The following ELOVL5 variants were observed in gnomAD, a reference collection of about 807,000 sequenced individuals.
The protein encoded by ELOVL5 is ELOVL fatty acid elongase 5, also known as very long chain fatty acid elongase 5.
A neutral mutation model predicts 38.6 loss-of-function variants in ELOVL5; 8 were observed. The ratio of observed to expected loss-of-function variants is 0.21; its 90% CI spans 0.12 to 0.37. ELOVL5 has a LOEUF of 0.37. Among genes scored for constraint, ELOVL5 ranks in the 10% least tolerant of loss-of-function variants. The pLI, the probability that ELOVL5 is intolerant of heterozygous loss-of-function variation, is 1.00. For missense variants in ELOVL5, 280 were observed against 367.8 expected (o/e 0.76, Z 1.95); for synonymous variants, 127 against 133.7 (o/e 0.95, Z 0.34).
chr6:53,281,789 T>A (rs986742710), intron 3 of ELOVL5, among the ~76,000 whole-genome samples: 8 of 151,162 alleles, frequency 5.3e-5, no homozygotes, highest in African/African-American at 2.0e-4. Flanking sequence ...GGATGCCCAT[T>A]AAGATAATTT....
At position 53,269,027 on chromosome 6, in the gene ELOVL5, G is replaced by T; in HGVS notation, c.*100C>A. The T allele has an allele frequency of 7.2e-7, 1 of 1,394,152 alleles. No homozygotes were observed. The highest frequency in any genetic ancestry group is 9.9e-7 in the Non-Finnish European group (1 of 1,013,002). 86.4% of individuals were successfully genotyped at this position (1,394,152 alleles called of 1,614,324 possible). On this transcript the variant is annotated 3_prime_UTR_variant, in exon 8 of 8. Transcript: ENST00000304434. ...GTCCTACATGAATCACACTATTGTA[G>T]GCCAGACTAGTTACAGCAGCTGTTA...
intron 3 of ELOVL5, among the ~76,000 whole-genome samples, chr6:53,284,587 A>C (rs753185614): frequency 6.6e-5 from 10 of 152,210 alleles, no homozygotes; most frequent in Non-Finnish European, 1.2e-4. Context: ...ATATACACAA[A>C]AAAGGTGACA....
At chr6:53,288,923 A>G (rs1306560977) in intron 3 of ELOVL5, among the ~76,000 whole-genome samples, 1 of 152,048 alleles carries the variant, frequency 6.6e-6, no homozygotes, top group Admixed American at 6.6e-5. Flanking sequence ...AAACTTAGCT[A>G]GACGTGGTGG....
At chr6:53,292,412 G>A (rs916720294) in intron 2 of ELOVL5, among the ~76,000 whole-genome samples, 9 of 152,236 alleles carry the variant, frequency 5.9e-5, no homozygotes, top group African/African-American at 2.2e-4. Context: ...GTGCTGCTTA[G>A]CCACGTTAGT....
intron 1 of ELOVL5, among the ~76,000 whole-genome samples, chr6:53,328,538 G>C (rs1768648841): frequency 6.6e-6 from 1 of 152,074 alleles, no homozygotes; most frequent in Admixed American, 6.5e-5. Flanking sequence ...AGAATTAAAG[G>C]TTAAATGGTT....
chr6:53,273,240 A>G lies in ELOVL5; in HGVS notation c.601T>C (p.Tyr201His), dbSNP rs2127566348. Residue 201 changes from tyrosine to histidine, a missense_variant, in exon 6 of 8, where the codon TAC becomes CAC. Coordinates refer to ENST00000304434, the MANE Select transcript of ELOVL5 (RefSeq NM_021814.5). Reference sequence around the variant, plus strand: ...CTCACCAGCTGCCCCTGAGTGATGTACTTCTTCCACCAGAGGTATGGACGC... The same window carrying G: ...CTCACCAGCTGCCCCTGAGTGATGTGCTTCTTCCACCAGAGGTATGGACGC... ...SMRPYLWWKK[Y>H]ITQGQLLQFV... 1.2e-6 allele frequency: 2 copies of G among 1,613,864 alleles called. No individual in the cohort carries two copies. Among genetic ancestry groups the G allele is most frequent in the East Asian group, 4.5e-5 (2 of 44,870 alleles).
intron 1 of ELOVL5, among the ~76,000 whole-genome samples, chr6:53,325,032 C>T (rs781216845): frequency 1.1e-4 from 16 of 152,132 alleles, no homozygotes; most frequent in South Asian, 2.1e-4. Flanking sequence ...CCATCTAGAC[C>T]GAAACAAGGT....
chr6:53,318,145 G>A (rs1388677022), intron 1 of ELOVL5, among the ~76,000 whole-genome samples: 1 of 152,090 alleles, frequency 6.6e-6, no homozygotes, highest in African/African-American at 2.4e-5. Context: ...ACATTCTACT[G>A]CCTCCCCACG....
chr6:53,342,311 T>C (rs577540541), intron 1 of ELOVL5, among the ~76,000 whole-genome samples: 1 of 152,344 alleles, frequency 6.6e-6, no homozygotes, highest in African/African-American at 2.4e-5. Context: ...AATTACTGAA[T>C]TTGGTATCAT....
chr6:53,292,526 C>T (rs1220375647), intron 2 of ELOVL5, among the ~76,000 whole-genome samples: 1 of 152,266 alleles, frequency 6.6e-6, no homozygotes, highest in Admixed American at 6.5e-5. Context: ...TGTGGTGGCT[C>T]ATGCCTGTAA....
intron 5 of ELOVL5, among the ~76,000 whole-genome samples, chr6:53,274,416 T>A (rs1191595921): frequency 2.0e-5 from 3 of 151,660 alleles, no homozygotes; most frequent in African/African-American, 7.3e-5. Context: ...GAGAAAAAAA[T>A]ATCCATAAAT....
At chr6:53,319,236 A>C (rs1467899276) in intron 1 of ELOVL5, among the ~76,000 whole-genome samples, 1 of 130,930 alleles carries the variant, frequency 7.6e-6, no homozygotes, top group East Asian at 2.4e-4. Flanking sequence ...CCGCCACTGC[A>C]CTCCAGCCTG....
chr6:53,295,971 A>T (rs1483215578), intron 1 of ELOVL5, among the ~76,000 whole-genome samples: 1 of 151,900 alleles, frequency 6.6e-6, no homozygotes, highest in Non-Finnish European at 1.5e-5. Context: ...TTCCATAAAA[A>T]CTCTTTCCGT....
Position 53,268,967 on chromosome 6 carries a change from A to T in ELOVL5, c.*160T>A. On this transcript the variant is annotated 3_prime_UTR_variant, in exon 8 of 8. Coordinates refer to ENST00000304434, the MANE Select transcript of ELOVL5 (RefSeq NM_021814.5). ...TCTTATCCCTACTTATATAATCTGT[A>T]TACGTTTTCTAGGGGTTTTGAATTG... is the stretch of plus-strand genomic sequence containing the variant. 1 of 766,662 alleles carries T rather than the reference A, an allele frequency of 1.3e-6. No individual in the cohort carries two copies. Among genetic ancestry groups the T allele is most frequent in the Non-Finnish European group, 2.1e-6 (1 of 475,688 alleles). 47.5% of individuals were successfully genotyped at this position (766,662 alleles called of 1,614,324 possible).
intron 1 of ELOVL5, among the ~76,000 whole-genome samples, chr6:53,315,066 G>C (rs1223624456): frequency 1.3e-5 from 2 of 152,216 alleles, no homozygotes; most frequent in Non-Finnish European, 2.9e-5. Flanking sequence ...AAAGAAAATA[G>C]CACATGCTGC....
chr6:53,294,336 C>T, intron 2 of ELOVL5: 1 of 1,576,792 alleles, frequency 6.3e-7, no homozygotes. Context: ...GGGATGACAG[C>T]TGGCAAAGAG....
chr6:53,323,675 C>G (rs370095601), intron 1 of ELOVL5, among the ~76,000 whole-genome samples: 1 of 150,992 alleles, frequency 6.6e-6, no homozygotes, highest in African/African-American at 2.4e-5. Flanking sequence ...CTCCGCCTCC[C>G]GAGTTCAAGC....
chr6:53,342,250 T>C (rs1328357121), intron 1 of ELOVL5, among the ~76,000 whole-genome samples: 2 of 152,224 alleles, frequency 1.3e-5, no homozygotes, highest in African/African-American at 4.8e-5. Flanking sequence ...CCCTGAATAC[T>C]ACCCCTAGGG....
chr6:53,297,376 C>T (rs774020342), intron 1 of ELOVL5, among the ~76,000 whole-genome samples: 2 of 152,094 alleles, frequency 1.3e-5, no homozygotes, highest in Non-Finnish European at 2.9e-5. Context: ...GTGGGAAATT[C>T]CAGAAATAAA....
Sources: allele counts gnomAD v4.1 joint callset (sites outside exome capture counted in the v4.1 genomes callset), GRCh38; gene constraint gnomAD v4.1.1; transcripts MANE v1.5; gene names NCBI Gene and HGNC (gene_info 2026-07-23, HGNC 2026-07-21).